FRAS1: variants seen among roughly 807,000 people sequenced by gnomAD.
The protein encoded by FRAS1 is Fraser extracellular matrix complex subunit 1, also known as extracellular matrix organizing protein FRAS1.
In FRAS1, 290 loss-of-function variants were observed where a neutral mutation model predicts 435.2. The ratio of observed to expected loss-of-function variants is 0.67; its 90% CI spans 0.61 to 0.73. The LOEUF (loss-of-function observed/expected upper bound fraction) is 0.73. FRAS1 is among the 30% of genes least tolerant of loss of function. The probability of loss-of-function intolerance (pLI) is 0.00; values close to 1 mark genes in which losing one functional copy is unlikely to be tolerated. For missense variants in FRAS1, 4,860 were observed against 5,001.5 expected, an observed-to-expected ratio of 0.97 and a Z score of 0.85; for synonymous variants, 1,800 against 1,851.0, an observed-to-expected ratio of 0.97 and a Z score of 0.71.
intron 3 of FRAS1, among the ~76,000 whole-genome samples, chr4:78,244,649 C>T (rs546332812): frequency 6.6e-6 from 1 of 152,238 alleles, no homozygotes; most frequent in South Asian, 2.1e-4. Context: ...AACACAATTG[C>T]AATTATAGAA....
chr4:78,431,822 A>G (rs1734231850), intron 37 of FRAS1, among the ~76,000 whole-genome samples: 1 of 152,198 alleles, frequency 6.6e-6, no homozygotes, highest in South Asian at 2.1e-4. Context: ...TTTCTCATGA[A>G]TTAGTACTCC....
intron 2 of FRAS1, among the ~76,000 whole-genome samples, chr4:78,227,418 G>A (rs939965055): frequency 1.3e-5 from 2 of 152,200 alleles, no homozygotes; most frequent in Non-Finnish European, 2.9e-5. Context: ...TCTTGAGATG[G>A]TATGGCCTCA....
intron 60 of FRAS1, among the ~76,000 whole-genome samples, 184 bp from the exon 61 acceptor site, chr4:78,499,537 A>AT (rs1720614188): frequency 6.6e-6 from 1 of 152,146 alleles, no homozygotes; most frequent in African/African-American, 2.4e-5. Context: ...CAAATAAATA[A>AT]TTTTTTCCAA....
At chr4:78,253,430 G>T (rs1211371100) in intron 5 of FRAS1, among the ~76,000 whole-genome samples, 3 of 152,088 alleles carry the variant, frequency 2.0e-5, no homozygotes, top group Non-Finnish European at 4.4e-5. Flanking sequence ...GAAGATAACG[G>T]GATTAAAAGA....
intron 2 of FRAS1, among the ~76,000 whole-genome samples, chr4:78,127,218 T>C (rs986924379): frequency 6.6e-6 from 1 of 152,044 alleles, no homozygotes; most frequent in Non-Finnish European, 1.5e-5. Context: ...TTGGAGGAAC[T>C]GGAAGGATTT....
Position 78,379,963 on chromosome 4 carries a change from A to C in FRAS1, c.3530A>C (p.Lys1177Thr). ...RFSWKDVNEK[K>T]VRFVHSKEKL... is the part of the protein sequence containing the mutation. The stretch of plus-strand genomic sequence containing the variant: ...AGCTGGAAAGATGTGAACGAGAAGA[A>C]AGTGCGTTTTGTGCACAGCAAAGAA... The change falls in exon 27 of 74, where the codon AAA becomes ACA. Residue 1177 changes from lysine to threonine, a missense_variant. Coordinates refer to ENST00000512123, the MANE Select transcript of FRAS1 (RefSeq NM_025074.7). 2 of 1,613,608 alleles carry C rather than the reference A, an allele frequency of 1.2e-6. No individual in the cohort carries two copies. Among genetic ancestry groups the C allele is most frequent in the Non-Finnish European group, 8.5e-7 (1 of 1,179,764 alleles).
At chr4:78,249,879 T>G (rs1725450720) in intron 4 of FRAS1, among the ~76,000 whole-genome samples, 1 of 152,166 alleles carries the variant, frequency 6.6e-6, no homozygotes, top group African/African-American at 2.4e-5. Flanking sequence ...ACAACAGTGG[T>G]GTTTCTTGGT....
intron 29 of FRAS1, among the ~76,000 whole-genome samples, chr4:78,394,921 T>G (rs997557517): frequency 6.6e-6 from 1 of 152,004 alleles, no homozygotes; most frequent in African/African-American, 2.4e-5. Flanking sequence ...TCTTTCACCT[T>G]CTTGGTTAAA....
At chr4:78,081,610 A>T (rs983718688) in intron 2 of FRAS1, among the ~76,000 whole-genome samples, 1 of 152,128 alleles carries the variant, frequency 6.6e-6, no homozygotes, top group Admixed American at 6.5e-5. Context: ...AACCTGGGCA[A>T]TAAATTGGCA....
At chr4:78,227,385 T>A (rs1724319441) in intron 2 of FRAS1, among the ~76,000 whole-genome samples, 1 of 152,222 alleles carries the variant, frequency 6.6e-6, no homozygotes. Flanking sequence ...ACCAGCAGCC[T>A]TCAAAGCAAA....
intron 2 of FRAS1, among the ~76,000 whole-genome samples, chr4:78,196,483 A>G (rs1578179684): frequency 6.6e-6 from 1 of 152,334 alleles, no homozygotes; most frequent in South Asian, 2.1e-4. Context: ...AAACCTTACT[A>G]GAGGTCTTTG....
At chr4:78,522,612 CA>C (rs1243003782) in intron 68 of FRAS1, 36 bp from the exon 69 acceptor site, 2 of 1,543,076 alleles carry the variant, frequency 1.3e-6, no homozygotes, top group Non-Finnish European at 1.8e-6. Context: ...AGCTCTACCA[CA>C]AGTACATTAA....
chr4:78,493,884 T>C (rs1280193278), intron 59 of FRAS1, among the ~76,000 whole-genome samples: 1 of 152,194 alleles, frequency 6.6e-6, no homozygotes, highest in African/African-American at 2.4e-5. Context: ...GTCAAAAGTG[T>C]GTATTGAATC....
At chr4:78,303,737 A>C in intron 14 of FRAS1, among the ~76,000 whole-genome samples, 1 of 149,830 alleles carries the variant, frequency 6.7e-6, no homozygotes, top group East Asian at 1.9e-4. Context: ...GTTGCTTATC[A>C]GCCTAAGGAG....
At chr4:78,089,173 G>T (rs1395689690) in intron 2 of FRAS1, among the ~76,000 whole-genome samples, 1 of 150,618 alleles carries the variant, frequency 6.6e-6, no homozygotes, top group Non-Finnish European at 1.5e-5. Flanking sequence ...GCAAACTATC[G>T]CAAGGACAAA....
chr4:78,097,291 C>T (rs547004061), intron 2 of FRAS1, among the ~76,000 whole-genome samples: 5 of 152,168 alleles, frequency 3.3e-5, no homozygotes, highest in Non-Finnish European at 5.9e-5. Flanking sequence ...TAGGGAGTTC[C>T]AAACTTTCTC....
intron 2 of FRAS1, among the ~76,000 whole-genome samples, chr4:78,104,274 G>A (rs899620196): frequency 8.5e-5 from 13 of 152,232 alleles, no homozygotes; most frequent in African/African-American, 2.9e-4. Context: ...CAGTTCCTTT[G>A]GCAATTATAA....
At chr4:78,125,073 G>T (rs796444126) in intron 2 of FRAS1, among the ~76,000 whole-genome samples, 1 of 152,054 alleles carries the variant, frequency 6.6e-6, no homozygotes. Flanking sequence ...TGTTTTAATT[G>T]TGATGTTAGT....
chr4:78,222,148 G>A (rs997225926), intron 2 of FRAS1, among the ~76,000 whole-genome samples: 2 of 152,162 alleles, frequency 1.3e-5, no homozygotes, highest in African/African-American at 4.8e-5. Context: ...ATTCTGCTCA[G>A]CTCTGGAAGA....
Sources: gnomAD v4.1 joint callset for allele counts (sites outside exome capture counted in the v4.1 genomes callset) on GRCh38, gnomAD v4.1.1 for gene constraint, MANE v1.5 for transcripts, NCBI Gene and HGNC (gene_info 2026-07-23, HGNC 2026-07-21) for gene names.